Variants in RHOT1 observed in about 807,000 individuals in gnomAD.
RHOT1 encodes ras homolog family member T1, also known as mitochondrial Rho GTPase 1.
RHOT1 carries 27 observed loss-of-function variants against 95.3 expected under a neutral mutation model. That is an observed-to-expected ratio of 0.28 (90% CI 0.21 to 0.39). RHOT1 has a LOEUF of 0.39. Among genes scored for constraint, RHOT1 ranks in the 10% least tolerant of loss-of-function variants. RHOT1 has a pLI of 1.00. For missense variants in RHOT1, 578 were observed against 786.7 expected (o/e 0.73, Z 3.17); for synonymous variants, 227 against 263.5 (o/e 0.86, Z 1.34).
In RHOT1 at chr17:32,224,777, G is replaced by C. The variant is rs776902833; in HGVS notation, c.*44G>C. 2 of 1,166,222 alleles carry C rather than the reference G, an allele frequency of 1.7e-6. No individual in the cohort carries two copies. The highest frequency in any genetic ancestry group is 2.5e-6 in the Non-Finnish European group (2 of 788,296). 72.2% of individuals were successfully genotyped at this position (1,166,222 alleles called of 1,614,324 possible). On this transcript the variant is annotated 3_prime_UTR_variant, in exon 20 of 20. Transcript: ENST00000545287. Reference sequence around the variant, plus strand: ...CCCTACCAAAAACAAATACTTTTATGTACATTCTGAATGCTTTAAGTTCTG... The same window carrying C: ...CCCTACCAAAAACAAATACTTTTATCTACATTCTGAATGCTTTAAGTTCTG...
Position 32,208,183 on chromosome 17 carries a change from A to G in RHOT1, c.1613A>G (p.Tyr538Cys). The change falls in exon 18 of 20, where the codon TAC becomes TGC. Residue 538 changes from tyrosine to cysteine, a missense_variant. Tyr to Cys is a radical substitution (Grantham distance 194). Around this residue, in one of 4 missense-constraint regions of RHOT1, gnomAD observed 296 missense variants for 338.5 expected, o/e 0.87. Coordinates refer to ENST00000545287, the MANE Select transcript of RHOT1 (RefSeq NM_001033566.3). The stretch of plus-strand genomic sequence containing the variant: ...GACCTGCATGAAGTTAAACAAGAAT[A>G]CAGTATTTCACCTACTGATTTCTGC... The part of the protein sequence containing the change: ...KSDLHEVKQE[Y>C]SISPTDFCRK... The G allele has an allele frequency of 1.9e-6, 3 of 1,614,114 alleles. No homozygotes were observed. The highest frequency in any genetic ancestry group is 2.5e-6 in the Non-Finnish European group (3 of 1,179,942).
chr17:32,183,677 G>C (rs1219530895), intron 8 of RHOT1, among the ~76,000 whole-genome samples: 2 of 152,048 alleles, frequency 1.3e-5, no homozygotes, highest in Non-Finnish European at 2.9e-5. Flanking sequence ...TACTACTTTT[G>C]TTTTTGTTTT....
chr17:32,142,955 C>T (rs909325990), intron 1 of RHOT1: 3 of 715,298 alleles, frequency 4.2e-6, no homozygotes, highest in Non-Finnish European at 7.8e-6. Flanking sequence ...CTGGGCCCTC[C>T]AGAGATCTCC....
Position 32,192,181 on chromosome 17 carries a change from C to G in RHOT1, c.541-20C>G. The G allele has an allele frequency of 8.7e-7, 1 of 1,147,796 alleles. No homozygotes were observed. The highest frequency in any genetic ancestry group is 1.4e-5 in the South Asian group (1 of 73,380). 71.1% of individuals were successfully genotyped at this position (1,147,796 alleles called of 1,614,324 possible). ...AAAATCACAGTTTAAACAATTATTT[C>G]TTTTCTCAATGATTTATAGATGAAA... On this transcript the variant is annotated intron_variant, in intron 8 of 19. Coordinates refer to ENST00000545287, the MANE Select transcript of RHOT1 (RefSeq NM_001033566.3).
chr17:32,188,292 G>A (rs2036208018), intron 8 of RHOT1, among the ~76,000 whole-genome samples: 1 of 152,206 alleles, frequency 6.6e-6, no homozygotes, highest in Non-Finnish European at 1.5e-5. Flanking sequence ...AGACCTTGAT[G>A]CAAATGCAAA....
In RHOT1 at chr17:32,193,250, T is replaced by C. The variant is rs1179537831; in HGVS notation, c.748+6T>C. ...CAGTGGGTTGACCCTGAAAGGTGGG[T>C]AAATGGTATTTTTCCCCCTTTTGAA... On this transcript the variant is annotated splice_donor_region_variant and intron_variant, in intron 10 of 19. Transcript: ENST00000545287. The C allele has an allele frequency of 3.8e-6, 6 of 1,562,254 alleles. No individual in the cohort carries two copies. The highest frequency in any genetic ancestry group is 1.7e-5 in the Admixed American group (1 of 59,398).
intron 1 of RHOT1, among the ~76,000 whole-genome samples, chr17:32,167,066 C>T (rs2034149892): frequency 6.6e-6 from 1 of 152,200 alleles, no homozygotes; most frequent in African/African-American, 2.4e-5. Flanking sequence ...GTTATAATTA[C>T]TCCTTGAACC....
At chr17:32,150,430 C>A in intron 1 of RHOT1, 2 of 639,718 alleles carry the variant, frequency 3.1e-6, no homozygotes, top group African/African-American at 3.7e-5. Context: ...GTACTCTAGT[C>A]AGAGAAATCC....
Position 32,192,196 on chromosome 17 carries a change from T to A in RHOT1, c.541-5T>A. ...ACAATTATTTCTTTTCTCAATGATT[T>A]ATAGATGAAACCAGCTTGTATAAAA... On this transcript the variant is annotated splice_polypyrimidine_tract_variant and splice_region_variant and intron_variant, in intron 8 of 19. Transcript: ENST00000545287. 3.8e-6 allele frequency: 5 copies of A among 1,324,522 alleles called. No homozygotes were observed. Among genetic ancestry groups the A allele is most frequent in the Non-Finnish European group, 5.3e-6 (5 of 943,016 alleles). 82.0% of individuals were successfully genotyped at this position (1,324,522 alleles called of 1,614,324 possible). A position where few individuals can be genotyped will look rare whatever the true frequency, so the allele number is the denominator to read the frequency against.
At position 32,202,883 on chromosome 17, in the gene RHOT1, C is replaced by T. The variant is rs1266417602; in HGVS notation, c.1315C>T (p.Leu439Phe). 1 of 1,612,606 alleles carries T rather than the reference C, an allele frequency of 6.2e-7. No individual in the cohort carries two copies. ...CGKSGVLQAL[L>F]GRNLMRQKKI... ...GAAAAGTGGAGTTCTTCAGGCTCTT[C>T]TTGGAAGAAACTTAATGGTGAGAGT... The change falls in exon 15 of 20, where the codon CTT (leucine) becomes TTT (phenylalanine). Residue 439 changes from leucine (L) to phenylalanine (F), a missense_variant. Transcript: ENST00000545287.
chr17:32,174,092 C>T (rs1291224009), intron 3 of RHOT1, among the ~76,000 whole-genome samples, 180 bp downstream of exon 3: 2 of 152,196 alleles, frequency 1.3e-5, no homozygotes, highest in Non-Finnish European at 2.9e-5. Context: ...CCACCCAGTG[C>T]CTCCATCTGA....
chr17:32,205,583 C>G (rs1257877329), intron 16 of RHOT1, among the ~76,000 whole-genome samples: 3 of 152,096 alleles, frequency 2.0e-5, no homozygotes, highest in African/African-American at 7.2e-5. Flanking sequence ...GCAATAAAAT[C>G]AAACAAACAA....
chr17:32,191,840 C>T (rs1043228629), intron 8 of RHOT1, among the ~76,000 whole-genome samples: 3 of 151,742 alleles, frequency 2.0e-5, no homozygotes, highest in African/African-American at 7.3e-5. Context: ...AGGGGAAAGT[C>T]CTTAGTAGTT....
At chr17:32,173,635 C>T (rs1330139308) in intron 2 of RHOT1, among the ~76,000 whole-genome samples, 196 bp from the exon 3 acceptor site, 2 of 151,540 alleles carry the variant, frequency 1.3e-5, no homozygotes, top group Non-Finnish European at 2.9e-5. Context: ...ATCACTTGAA[C>T]CTGGGCAGCA....
intron 19 of RHOT1, among the ~76,000 whole-genome samples, chr17:32,220,042 A>G (rs2038729844): frequency 6.6e-6 from 1 of 152,220 alleles, no homozygotes. Context: ...ATAGAGAAAA[A>G]TTTTATGTAG....
At chr17:32,197,151 G>A (rs891402116) in intron 11 of RHOT1, among the ~76,000 whole-genome samples, 5 of 151,862 alleles carry the variant, frequency 3.3e-5, no homozygotes, top group Admixed American at 2.6e-4. Context: ...ATGTCTTTGT[G>A]GTCCACCTCC....
intron 6 of RHOT1, among the ~76,000 whole-genome samples, chr17:32,178,022 A>G (rs2035162429): frequency 6.6e-6 from 1 of 151,394 alleles, no homozygotes; most frequent in Non-Finnish European, 1.5e-5. Context: ...ACGGGGTTTC[A>G]CCATGTTGGC....
chr17:32,150,924 G>A, intron 1 of RHOT1: 1 of 1,542,728 alleles, frequency 6.5e-7, no homozygotes, highest in Non-Finnish European at 8.8e-7. Context: ...CATTCTTCTT[G>A]GATGGAAGGT....
chr17:32,212,918 C>T (rs2038225276), intron 19 of RHOT1, among the ~76,000 whole-genome samples: 1 of 151,850 alleles, frequency 6.6e-6, no homozygotes. Flanking sequence ...TCTGAAAGCC[C>T]CTTAGGTTTT....
Sources: allele counts gnomAD v4.1 joint callset (sites outside exome capture counted in the v4.1 genomes callset), GRCh38; gene constraint gnomAD v4.1.1; regional missense constraint gnomAD v4.1.1; transcripts MANE v1.5; gene names NCBI Gene and HGNC (gene_info 2026-07-23, HGNC 2026-07-21).